Variants in EYS observed in about 807,000 individuals in gnomAD.
EYS encodes the protein protein eyes shut homolog.
Under a neutral mutation model 282.1 loss-of-function variants are expected in EYS, and 250 were observed. The ratio of observed to expected loss-of-function variants is 0.89; its 90% confidence interval spans 0.80 to 0.98. The LOEUF is 0.98. Ranked by LOEUF, EYS falls within the 50% of genes least tolerant of loss-of-function variation. The probability of loss-of-function intolerance (pLI) is 0.00; values close to 1 mark genes in which losing one functional copy is unlikely to be tolerated. For synonymous variants in EYS, 1,355 were observed against 1,282.9 expected (o/e 1.06, Z -1.20); for missense variants, 4,016 against 3,709.0 (o/e 1.08, Z -2.15).
chr6:64,604,418 G>T (rs2149839985), intron 24 of EYS, among the ~76,000 whole-genome samples: 1 of 152,038 alleles, frequency 6.6e-6, no homozygotes, highest in Admixed American at 6.6e-5. Flanking sequence ...AAAACTATGG[G>T]TCCATAATTT....
intron 22 of EYS, among the ~76,000 whole-genome samples, chr6:64,763,896 G>A (rs756800576): frequency 2.0e-5 from 3 of 152,088 alleles, no homozygotes; most frequent in Non-Finnish European, 2.9e-5. Flanking sequence ...AATATTAAAG[G>A]ACCAAAATAA....
chr6:64,129,507 T>C (rs1025219596), intron 31 of EYS, among the ~76,000 whole-genome samples: 2 of 152,176 alleles, frequency 1.3e-5, no homozygotes, highest in Non-Finnish European at 2.9e-5. Context: ...TTTGTTTGAG[T>C]TCATTGCAGA....
intron 5 of EYS, among the ~76,000 whole-genome samples, chr6:65,468,367 A>G (rs1765083759): frequency 6.6e-6 from 1 of 152,264 alleles, no homozygotes; most frequent in South Asian, 2.1e-4. Flanking sequence ...TATTATTCCC[A>G]CTAAGCTAGA....
At chr6:65,505,725 C>A (rs1766630363) in intron 2 of EYS, among the ~76,000 whole-genome samples, 1 of 152,014 alleles carries the variant, frequency 6.6e-6, no homozygotes, top group Admixed American at 6.6e-5. Context: ...TTTACTGAAT[C>A]CTACTTTTAT....
At chr6:65,350,122 T>C (rs1383267222) in intron 9 of EYS, among the ~76,000 whole-genome samples, 2 of 147,502 alleles carry the variant, frequency 1.4e-5, no homozygotes, top group Non-Finnish European at 3.0e-5. Flanking sequence ...ACTAAACCAC[T>C]TTTTTTAATA....
chr6:64,939,209 G>A (rs1769010214), intron 15 of EYS, among the ~76,000 whole-genome samples: 1 of 151,530 alleles, frequency 6.6e-6, no homozygotes, highest in Admixed American at 6.6e-5. Context: ...TAATCACAAA[G>A]GAGAAGCACA....
chr6:64,521,559 CCTT>C lies in EYS; in HGVS notation c.5644+68661_5644+68663del, dbSNP rs550466505. ...TGAAGCTGCAAGAATTACGGCTGCTCCTTCTATTCTGCCTTCCAAACTGCACAA... is the reference window on the plus strand; with the variant it reads ...TGAAGCTGCAAGAATTACGGCTGCTCCTATTCTGCCTTCCAAACTGCACAA... On this transcript the variant is annotated intron_variant, in intron 26 of 42. Transcript: ENST00000503581. 6.7e-4 allele frequency among the ~76,000 whole-genome samples: 101 copies of C among 151,782 alleles called. No homozygotes were observed. The South Asian group carries it at 0.02, about 31-fold the overall frequency.
chr6:65,078,241 C>G (rs1382328368), intron 12 of EYS, among the ~76,000 whole-genome samples: 1 of 152,026 alleles, frequency 6.6e-6, no homozygotes, highest in Non-Finnish European at 1.5e-5. Flanking sequence ...AATTTTATGT[C>G]AACTATTATT....
chr6:64,384,757 T>C (rs1387481649), intron 29 of EYS, among the ~76,000 whole-genome samples: 4 of 152,196 alleles, frequency 2.6e-5, no homozygotes, highest in African/African-American at 9.6e-5. Context: ...TCATCATTTA[T>C]GGTCATCAGG....
At chr6:63,886,256 TC>T (rs1295184293) in intron 35 of EYS, among the ~76,000 whole-genome samples, 1 of 152,236 alleles carries the variant, frequency 6.6e-6, no homozygotes, top group East Asian at 1.9e-4. Flanking sequence ...CATTGAATAT[TC>T]TTTTGAGTAC....
intron 8 of EYS, among the ~76,000 whole-genome samples, chr6:65,361,822 T>G (rs1764720274): frequency 6.6e-6 from 1 of 152,062 alleles, no homozygotes; most frequent in African/African-American, 2.4e-5. Flanking sequence ...TTATCTAATG[T>G]TTCCCTCCAA....
chr6:64,023,649 T>A (rs532551348), intron 33 of EYS, among the ~76,000 whole-genome samples: 1 of 152,362 alleles, frequency 6.6e-6, no homozygotes, highest in South Asian at 2.1e-4. Context: ...TCTCGGCACC[T>A]CCTTTGCCTG....
intron 12 of EYS, among the ~76,000 whole-genome samples, chr6:65,108,305 TA>T (rs1775104582): frequency 8.5e-6 from 1 of 117,316 alleles, no homozygotes; most frequent in African/African-American, 3.5e-5. Flanking sequence ...TTACGCACTT[TA>T]TTTTTTTTGA....
chr6:65,524,434 G>A (rs1767483696), intron 2 of EYS, among the ~76,000 whole-genome samples: 1 of 152,164 alleles, frequency 6.6e-6, no homozygotes, highest in African/African-American at 2.4e-5. Context: ...GTAACAGTGA[G>A]TGGTACCACT....
chr6:64,052,899 T>C (rs537748934), intron 33 of EYS, among the ~76,000 whole-genome samples: 1 of 152,326 alleles, frequency 6.6e-6, no homozygotes, highest in South Asian at 2.1e-4. Flanking sequence ...CATGCCGAAC[T>C]GTGAGTCAAT....
intron 30 of EYS, among the ~76,000 whole-genome samples, chr6:64,298,601 G>A (rs1366985704): frequency 6.6e-6 from 1 of 151,928 alleles, no homozygotes; most frequent in Non-Finnish European, 1.5e-5. Context: ...CAAAAAGATG[G>A]TAATGTAAAA....
At chr6:64,769,742 A>G (rs1333962830) in intron 22 of EYS, among the ~76,000 whole-genome samples, 5 of 152,062 alleles carry the variant, frequency 3.3e-5, no homozygotes, top group Non-Finnish European at 7.4e-5. Context: ...AAACTGAGGT[A>G]GGAAAGATGG....
chr6:65,479,703 T>A (rs115562367), intron 5 of EYS, among the ~76,000 whole-genome samples: 2,831 of 152,216 alleles, frequency 0.019, 85 homozygotes, highest in African/African-American at 0.064. Flanking sequence ...GGACTAAAAC[T>A]GTAAGTCTTC....
chr6:64,387,134 C>T (rs1042173730), intron 29 of EYS, among the ~76,000 whole-genome samples: 4 of 152,232 alleles, frequency 2.6e-5, no homozygotes. Context: ...ATTATGTCTA[C>T]TCCACCTCCC....
Sources: gnomAD v4.1 joint callset for allele counts (sites outside exome capture counted in the v4.1 genomes callset) on GRCh38, gnomAD v4.1.1 for gene constraint, MANE v1.5 for transcripts, NCBI Gene and HGNC (gene_info 2026-07-23, HGNC 2026-07-21) for gene names.